FAM200B: variants seen among roughly 807,000 people sequenced by gnomAD.
FAM200B encodes zinc finger BED-type containing 11.
FAM200B carries 32 observed loss-of-function variants against 33.1 expected under a neutral mutation model. The ratio of observed to expected loss-of-function variants is 0.97; its 90% confidence interval spans 0.73 to 1.30. The LOEUF (loss-of-function observed/expected upper bound fraction) is 1.30, where lower values mean the gene tolerates loss of function less well. Ranked by LOEUF, FAM200B falls within the 50% of genes most tolerant of loss-of-function variation. The probability of loss-of-function intolerance (pLI) is 0.00; values close to 1 mark genes in which losing one functional copy is unlikely to be tolerated. For synonymous variants in FAM200B, 240 were observed against 264.8 expected, an observed-to-expected ratio of 0.91 and a Z score of 0.91; for missense variants, 741 against 754.0, an observed-to-expected ratio of 0.98 and a Z score of 0.20.
the FAM200B span, among the ~76,000 whole-genome samples, chr4:15,641,979 G>C: frequency 6.6e-6 from 1 of 151,590 alleles, no homozygotes; most frequent in Non-Finnish European, 1.5e-5. Flanking sequence ...GGTGAGCCGA[G>C]ATTGCACCAC....
At chr4:15,650,874 A>G in the FAM200B span, among the ~76,000 whole-genome samples, 69 of 151,726 alleles carry the variant, frequency 4.5e-4, no homozygotes, top group Non-Finnish European at 9.1e-4. Context: ...CTCATGATCC[A>G]CCTGCCTCGG....
At chr4:15,667,070 A>G in the FAM200B span, among the ~76,000 whole-genome samples, 2 of 152,236 alleles carry the variant, frequency 1.3e-5, no homozygotes, top group African/African-American at 4.8e-5. Flanking sequence ...ATTATAAACC[A>G]TATTTGTACC....
chr4:15,643,550 C>A, the FAM200B span, among the ~76,000 whole-genome samples: 5 of 148,822 alleles, frequency 3.4e-5, no homozygotes, highest in East Asian at 9.8e-4. Context: ...GGATTACAGG[C>A]GCCTGCCACT....
the FAM200B span, among the ~76,000 whole-genome samples, chr4:15,647,241 A>G: frequency 7.5e-6 from 1 of 133,520 alleles, no homozygotes; most frequent in Non-Finnish European, 1.5e-5. Flanking sequence ...AAAAAAAAAA[A>G]AAGAAAGAAA....
chr4:15,641,420 T>A, the FAM200B span: 1 of 351,864 alleles, frequency 2.8e-6, no homozygotes, highest in East Asian at 7.7e-5. Context: ...GTGAAGACAA[T>A]GAGGATAAAG....
Position 15,689,211 on chromosome 4 carries a change from G to C in FAM200B, c.*260G>C. On this transcript the variant is annotated 3_prime_UTR_variant, in exon 2 of 2. Coordinates refer to ENST00000422728, the MANE Select transcript of FAM200B (RefSeq NM_001145191.2). ...CTAGTAGAGTTTATATCCTGGCAAG[G>C]AGAAATTGACAATAAACCTAATAAA... is the stretch of plus-strand genomic sequence containing the variant. 6.4e-6 allele frequency: 2 copies of C among 312,216 alleles called. No individual in the cohort carries two copies. The highest frequency in any genetic ancestry group is 1.2e-5 in the Non-Finnish European group (2 of 164,726). 19.3% of individuals were successfully genotyped at this position (312,216 alleles called of 1,614,324 possible). A position where few individuals can be genotyped will look rare whatever the true frequency, so the allele number is the denominator to read the frequency against.
At chr4:15,637,960 T>C in the FAM200B span, among the ~76,000 whole-genome samples, 1 of 148,626 alleles carries the variant, frequency 6.7e-6, no homozygotes, top group South Asian at 2.1e-4. Context: ...ATTCTCAGAG[T>C]AACAATACAG....
chr4:15,641,848 G>A, the FAM200B span, among the ~76,000 whole-genome samples: 2 of 151,924 alleles, frequency 1.3e-5, no homozygotes, highest in African/African-American at 2.4e-5. Context: ...CCAACGCGGC[G>A]AAACCCTGTC....
the FAM200B span, among the ~76,000 whole-genome samples, chr4:15,664,591 C>A: frequency 9.3e-6 from 1 of 107,324 alleles, no homozygotes; most frequent in East Asian, 3.1e-4. Context: ...GAGTTTCACT[C>A]TTGTCACCCA....
chr4:15,675,585 T>C, the FAM200B span, among the ~76,000 whole-genome samples: 32,213 of 141,476 alleles, frequency 0.23, 3,389 homozygotes, highest in African/African-American at 0.27. Context: ...TTTTTTTTTT[T>C]TTTTTTTTTT....
the FAM200B span, among the ~76,000 whole-genome samples, chr4:15,652,985 T>C: frequency 2.0e-5 from 3 of 152,164 alleles, no homozygotes; most frequent in African/African-American, 7.2e-5. Flanking sequence ...TTTAATTCCT[T>C]TAAGATTACT....
chr4:15,661,352 T>C, the FAM200B span, among the ~76,000 whole-genome samples: 1 of 152,206 alleles, frequency 6.6e-6, no homozygotes, highest in Non-Finnish European at 1.5e-5. Flanking sequence ...AAAGGGATAG[T>C]GAGTCTCCAG....
chr4:15,656,532 G>C, the FAM200B span, among the ~76,000 whole-genome samples: 1 of 152,234 alleles, frequency 6.6e-6, no homozygotes, highest in Non-Finnish European at 1.5e-5. Context: ...TAATGGAGTA[G>C]AAGAAGGTGA....
Position 15,686,931 on chromosome 4 carries a change from G to A in FAM200B, c.-47G>A. ...TATTTTTTTCTTCTTTTTTGAGTTA[G>A]TGCCAATTATAACATTTTAATCAAA... On this transcript the variant is annotated 5_prime_UTR_variant, in exon 2 of 2. The change creates a new upstream start codon in the 5' untranslated region. Transcript: ENST00000422728. 1.0e-6 allele frequency: 1 copy of A among 986,546 alleles called. No individual in the cohort carries two copies. Among genetic ancestry groups the A allele is most frequent in the East Asian group, 2.9e-5 (1 of 34,842 alleles). 61.1% of individuals were successfully genotyped at this position (986,546 alleles called of 1,614,324 possible).
chr4:15,651,381 A>G, the FAM200B span, among the ~76,000 whole-genome samples: 1 of 152,232 alleles, frequency 6.6e-6, no homozygotes, highest in African/African-American at 2.4e-5. Flanking sequence ...CTTAACCACT[A>G]AGACTGTTTC....
chr4:15,644,447 A>G, the FAM200B span: 1 of 1,496,362 alleles, frequency 6.7e-7, no homozygotes. Flanking sequence ...ATATACCAGA[A>G]GATGGCACAA....
At chr4:15,655,423 G>GGCGGGGAC in the FAM200B span, 3 of 995,930 alleles carry the variant, frequency 3.0e-6, no homozygotes, top group Non-Finnish European at 3.6e-6. Flanking sequence ...CGGCTTGGCC[G>GGCGGGGAC]GCGGGGACGC....
chr4:15,651,704 T>C, the FAM200B span, among the ~76,000 whole-genome samples: 1 of 152,248 alleles, frequency 6.6e-6, no homozygotes. Flanking sequence ...ATGTCCTATC[T>C]GTATAAATAA....
chr4:15,657,521 CCA>C, the FAM200B span, among the ~76,000 whole-genome samples: 1 of 152,192 alleles, frequency 6.6e-6, no homozygotes, highest in African/African-American at 2.4e-5. Flanking sequence ...AAAAGTCCAT[CCA>C]CACAGTTTCA....
Sources: gnomAD v4.1 joint callset for allele counts (sites outside exome capture counted in the v4.1 genomes callset) on GRCh38, gnomAD v4.1.1 for gene constraint, MANE v1.5 for transcripts, NCBI Gene and HGNC (gene_info 2026-07-23, HGNC 2026-07-21) for gene names.